The following AGBL1 variants were observed in gnomAD, a reference collection of about 807,000 sequenced individuals.
AGBL1 encodes AGBL carboxypeptidase 1.
AGBL1 carries 130 observed loss-of-function variants against 118.9 expected under a neutral mutation model. The observed-to-expected ratio is 1.09, with a 90% CI of 0.95 to 1.26. The LOEUF is 1.26. Ranked by LOEUF, AGBL1 falls within the 50% of genes most tolerant of loss-of-function variation. The pLI, the probability that AGBL1 is intolerant of heterozygous loss-of-function variation, is 0.00. For missense variants in AGBL1, 1,584 were observed against 1,298.1 expected, an observed-to-expected ratio of 1.22 and a Z score of -3.38; for synonymous variants, 555 against 478.9, an observed-to-expected ratio of 1.16 and a Z score of -2.08.
At position 86,629,853 on chromosome 15, in the gene AGBL1, A is replaced by G. The variant is rs117376200; in HGVS notation, c.2995-44420A>G. 1.7e-3 allele frequency among the ~76,000 whole-genome samples: 258 copies of G among 152,340 alleles called. 4 individuals carry two copies. In the East Asian group the frequency reaches 0.02, roughly 12 times the overall value. ...TCATTGCTAAAAGGAAAAAAAGAGA[A>G]AGAAGAAAACAGATGAAGAGGAACA... On this transcript the variant is annotated intron_variant, in intron 21 of 22. Transcript: ENST00000614907.
At chr15:86,492,088 G>A (rs2082788723) in intron 18 of AGBL1, among the ~76,000 whole-genome samples, 1 of 152,046 alleles carries the variant, frequency 6.6e-6, no homozygotes, top group African/African-American at 2.4e-5. Context: ...CTAGAATAGT[G>A]AGGGAAATTT....
intron 19 of AGBL1, among the ~76,000 whole-genome samples, chr15:86,530,709 G>A (rs2142218381): frequency 6.7e-6 from 1 of 150,358 alleles, no homozygotes; most frequent in East Asian, 2.0e-4. Context: ...ATAGTTGGAA[G>A]TAAAGTTCTC....
rs538686054 is a variant in AGBL1, at chr15:86,123,064, G to A, written c.52-18940G>A. 1.1e-4 allele frequency among the ~76,000 whole-genome samples: 17 copies of A among 152,206 alleles called. No homozygotes were observed. The South Asian group carries it at 3.5e-3, about 32-fold the overall frequency. On this transcript the variant is annotated intron_variant, in intron 1 of 22. Transcript: ENST00000614907. ...GGTCCAGCAAAGCTGTCGGTTGTGGGGAAAATCTGCATTCTATAGAGAATC... is the reference window on the plus strand; with the variant it reads ...GGTCCAGCAAAGCTGTCGGTTGTGGAGAAAATCTGCATTCTATAGAGAATC...
chr15:86,169,653 G>A (rs774981050), intron 5 of AGBL1, among the ~76,000 whole-genome samples: 3 of 152,196 alleles, frequency 2.0e-5, no homozygotes, highest in Non-Finnish European at 4.4e-5. Context: ...TAAATGCTAT[G>A]TAAATAAGTT....
chr15:86,240,498 G>T (rs192698885), intron 6 of AGBL1, among the ~76,000 whole-genome samples: 1 of 152,294 alleles, frequency 6.6e-6, no homozygotes, highest in East Asian at 1.9e-4. Context: ...AAATTGCAGG[G>T]TTTGAGAAGA....
chr15:86,672,128 A>G (rs78409014), intron 21 of AGBL1, among the ~76,000 whole-genome samples: 6,283 of 152,188 alleles, frequency 0.041, 168 homozygotes, highest in Middle Eastern at 0.1. Flanking sequence ...GAGTAAAGAG[A>G]AAAAAACAGA....
At chr15:86,576,898 A>G (rs1257750264) in intron 21 of AGBL1, among the ~76,000 whole-genome samples, 2 of 152,172 alleles carry the variant, frequency 1.3e-5, no homozygotes, top group African/African-American at 4.8e-5. Flanking sequence ...CTCCTCAGCC[A>G]TGTGGTAACC....
At chr15:87,015,420 A>G (rs777167528) in intron 24 of AGBL1, among the ~76,000 whole-genome samples, 6 of 151,854 alleles carry the variant, frequency 4.0e-5, no homozygotes, top group Non-Finnish European at 8.8e-5. Flanking sequence ...TATCTGTCCT[A>G]TTGGCTCCTT....
chr15:86,355,312 A>G (rs1230341098), intron 17 of AGBL1, among the ~76,000 whole-genome samples: 3 of 152,232 alleles, frequency 2.0e-5, no homozygotes, highest in African/African-American at 4.8e-5. Flanking sequence ...ATCATACACC[A>G]TATAACATAT....
chr15:86,884,779 T>C (rs2079946579), intron 22 of AGBL1, among the ~76,000 whole-genome samples: 1 of 151,982 alleles, frequency 6.6e-6, no homozygotes, highest in Non-Finnish European at 1.5e-5. Context: ...ACCACTGCAC[T>C]CCAGCCTGGG....
chr15:86,284,933 G>T (rs2079417884), intron 16 of AGBL1, among the ~76,000 whole-genome samples: 1 of 151,966 alleles, frequency 6.6e-6, no homozygotes, highest in Non-Finnish European at 1.5e-5. Context: ...TCTCTCTGGG[G>T]GTTTCTACAA....
chr15:86,148,813 GAC>G (rs1567086338), intron 3 of AGBL1, among the ~76,000 whole-genome samples: 2 of 152,090 alleles, frequency 1.3e-5, no homozygotes, highest in Non-Finnish European at 1.5e-5. Context: ...GCAACCCCAA[GAC>G]ACATAATTGT....
intron 22 of AGBL1, among the ~76,000 whole-genome samples, chr15:86,773,255 C>A (rs144797507): frequency 1.3e-5 from 2 of 152,096 alleles, no homozygotes; most frequent in East Asian, 3.9e-4. Context: ...TTGAATTCAA[C>A]ATGGTAATGC....
intron 17 of AGBL1, among the ~76,000 whole-genome samples, chr15:86,344,944 T>C (rs914759603): frequency 2.6e-5 from 4 of 152,176 alleles, no homozygotes; most frequent in Non-Finnish European, 2.9e-5. Context: ...CAGAGTCATA[T>C]AATGTCATCA....
At chr15:86,551,546 A>C (rs1596256623) in intron 20 of AGBL1, among the ~76,000 whole-genome samples, 1 of 152,214 alleles carries the variant, frequency 6.6e-6, no homozygotes, top group South Asian at 2.1e-4. Flanking sequence ...TTAAGTGGAA[A>C]GAAGAATTAG....
chr15:86,663,232 G>C (rs1047852163), intron 21 of AGBL1, among the ~76,000 whole-genome samples: 1 of 152,154 alleles, frequency 6.6e-6, no homozygotes, highest in Non-Finnish European at 1.5e-5. Context: ...GAAACCCAAG[G>C]GTTAAAGCCA....
At chr15:86,834,719 T>C (rs1310838007) in intron 22 of AGBL1, among the ~76,000 whole-genome samples, 2 of 152,148 alleles carry the variant, frequency 1.3e-5, no homozygotes, top group Non-Finnish European at 2.9e-5. Flanking sequence ...TTTGACCCAC[T>C]TCACATGGAT....
chr15:86,657,242 G>A (rs1596343047), intron 21 of AGBL1, among the ~76,000 whole-genome samples: 2 of 152,198 alleles, frequency 1.3e-5, no homozygotes, highest in Non-Finnish European at 2.9e-5. Context: ...AACTGTACAA[G>A]TGCCGCGGGC....
At chr15:86,781,603 C>T (rs538356998) in intron 22 of AGBL1, among the ~76,000 whole-genome samples, 1 of 152,164 alleles carries the variant, frequency 6.6e-6, no homozygotes, top group Admixed American at 6.5e-5. Context: ...TCACTCTCTA[C>T]ATACCTTTCT....
Sources: gnomAD v4.1 joint callset for allele counts (sites outside exome capture counted in the v4.1 genomes callset) on GRCh38, gnomAD v4.1.1 for gene constraint, MANE v1.5 for transcripts, NCBI Gene and HGNC (gene_info 2026-07-23, HGNC 2026-07-21) for gene names.